Variants in EIPR1 observed in about 807,000 individuals in gnomAD.
EIPR1 encodes EARP complex and GARP complex interacting protein 1, also known as EARP and GARP complex-interacting protein 1.
EIPR1 carries 25 observed loss-of-function variants against 48.1 expected under a neutral mutation model. That is an observed-to-expected ratio of 0.52 (90% CI 0.38 to 0.73). EIPR1 has a LOEUF of 0.73. Among genes scored for constraint, EIPR1 ranks in the 30% least tolerant of loss-of-function variants. The probability of loss-of-function intolerance (pLI) is 0.00; values close to 1 mark genes in which losing one functional copy is unlikely to be tolerated. For missense variants in EIPR1, 415 were observed against 506.2 expected, an observed-to-expected ratio of 0.82 and a Z score of 1.73; for synonymous variants, 204 against 201.9, an observed-to-expected ratio of 1.01 and a Z score of -0.09.
intron 1 of EIPR1, among the ~76,000 whole-genome samples, chr2:3,361,915 C>A (rs1670861179): frequency 6.6e-6 from 1 of 152,252 alleles, no homozygotes; most frequent in Non-Finnish European, 1.5e-5. Flanking sequence ...CAATCGCCTC[C>A]TGCTCTTCTT....
intron 1 of EIPR1, among the ~76,000 whole-genome samples, chr2:3,370,446 C>A (rs1671086506): frequency 1.3e-5 from 2 of 152,234 alleles, no homozygotes; most frequent in Middle Eastern, 3.4e-3. Flanking sequence ...CTCCGAGCTA[C>A]AGGAGGAAAT....
intron 2 of EIPR1, among the ~76,000 whole-genome samples, chr2:3,347,724 A>C (rs1047236066): frequency 2.0e-5 from 3 of 152,260 alleles, no homozygotes; most frequent in African/African-American, 7.2e-5. Context: ...AAGAATTTCC[A>C]AGTATGGCAG....
chr2:3,354,991 TTC>T (rs1368083505), intron 1 of EIPR1, among the ~76,000 whole-genome samples: 1 of 152,246 alleles, frequency 6.6e-6, no homozygotes, highest in Non-Finnish European at 1.5e-5. Flanking sequence ...AGAAAATAGC[TTC>T]CAGCAATAGC....
chr2:3,306,816 G>C (rs956742250), intron 3 of EIPR1, among the ~76,000 whole-genome samples: 3 of 152,050 alleles, frequency 2.0e-5, no homozygotes, highest in East Asian at 1.9e-4. Flanking sequence ...AAATCCATGC[G>C]TAAGTGGACC....
intron 2 of EIPR1, among the ~76,000 whole-genome samples, chr2:3,346,390 G>T (rs1288556441): frequency 6.6e-6 from 1 of 152,254 alleles, no homozygotes; most frequent in Non-Finnish European, 1.5e-5. Flanking sequence ...TGTAATAGAT[G>T]CCCAATAGAA....
intron 4 of EIPR1, among the ~76,000 whole-genome samples, chr2:3,216,099 C>T (rs1299364006): frequency 6.6e-6 from 1 of 152,178 alleles, no homozygotes; most frequent in Non-Finnish European, 1.5e-5. Flanking sequence ...CTCCGTAGCC[C>T]AGTTACTGCA....
At chr2:3,368,160 T>C (rs978076943) in intron 1 of EIPR1, among the ~76,000 whole-genome samples, 5 of 152,194 alleles carry the variant, frequency 3.3e-5, no homozygotes, top group Non-Finnish European at 5.9e-5. Context: ...CTCAGACTGA[T>C]GGCACAAAAA....
At chr2:3,313,477 C>A (rs1219545295) in intron 3 of EIPR1, among the ~76,000 whole-genome samples, 3 of 152,148 alleles carry the variant, frequency 2.0e-5, no homozygotes, top group Non-Finnish European at 2.9e-5. Flanking sequence ...GACACAGAGC[C>A]CAGTCCTCCA....
chr2:3,194,364 C>T (rs1165238561), intron 6 of EIPR1, 198 bp from the exon 7 acceptor site: 2 of 563,700 alleles, frequency 3.5e-6, no homozygotes, highest in African/African-American at 3.8e-5. Context: ...GTGGTCGCAC[C>T]ACGCTCATCT....
chr2:3,256,765 A>T (rs1375968447), intron 4 of EIPR1, among the ~76,000 whole-genome samples: 1 of 152,210 alleles, frequency 6.6e-6, no homozygotes, highest in Non-Finnish European at 1.5e-5. Context: ...GGGAATGACC[A>T]GTGGGTGCAC....
At chr2:3,361,709 C>T (rs1215323321) in intron 1 of EIPR1, among the ~76,000 whole-genome samples, 1 of 146,200 alleles carries the variant, frequency 6.8e-6, no homozygotes, top group Non-Finnish European at 1.5e-5. Context: ...TGCCCTTGGA[C>T]TCCCTCACAC....
At chr2:3,326,051 G>A (rs1341823100) in intron 3 of EIPR1, among the ~76,000 whole-genome samples, 1 of 152,230 alleles carries the variant, frequency 6.6e-6, no homozygotes, top group African/African-American at 2.4e-5. Context: ...CCAGTGCAGA[G>A]GAGGCTATGG....
chr2:3,239,123 C>A (rs1558243588), intron 4 of EIPR1, among the ~76,000 whole-genome samples: 1 of 152,216 alleles, frequency 6.6e-6, no homozygotes, highest in Admixed American at 6.5e-5. Flanking sequence ...GCACAGCAGA[C>A]CCCACCCGGC....
intron 4 of EIPR1, among the ~76,000 whole-genome samples, chr2:3,255,572 G>C (rs1188556791): frequency 6.6e-6 from 1 of 152,196 alleles, no homozygotes; most frequent in African/African-American, 2.4e-5. Context: ...ACACCCATGT[G>C]GCCTGTCTTT....
intron 3 of EIPR1, among the ~76,000 whole-genome samples, chr2:3,276,423 T>C (rs190984721): frequency 2.4e-4 from 37 of 152,242 alleles, no homozygotes; most frequent in Non-Finnish European, 4.4e-4. Flanking sequence ...TCTTATAACA[T>C]GTAAGAGATA....
chr2:3,197,063 A>C, intron 5 of EIPR1, 46 bp from the exon 6 acceptor site: 10 of 1,608,872 alleles, frequency 6.2e-6, no homozygotes, highest in Non-Finnish European at 7.6e-6. Context: ...AAAGAAGAAG[A>C]ATGTGAAGTC....
chr2:3,236,002 G>A (rs890113679), intron 4 of EIPR1, among the ~76,000 whole-genome samples: 2 of 152,054 alleles, frequency 1.3e-5, no homozygotes, highest in Non-Finnish European at 2.9e-5. Flanking sequence ...TAGTAATCAC[G>A]GTAAGAGCAA....
intron 3 of EIPR1, among the ~76,000 whole-genome samples, chr2:3,279,813 A>G (rs1235175682): frequency 6.6e-6 from 1 of 152,198 alleles, no homozygotes; most frequent in Non-Finnish European, 1.5e-5. Context: ...CAACCCAGGA[A>G]GTTTAGGTGT....
chr2:3,369,540 C>A (rs369799041), intron 1 of EIPR1, among the ~76,000 whole-genome samples: 5 of 152,334 alleles, frequency 3.3e-5, no homozygotes, highest in Admixed American at 2.6e-4. Flanking sequence ...CCAAATACTG[C>A]GCTTTTCCGA....
Sources: allele counts gnomAD v4.1 joint callset (sites outside exome capture counted in the v4.1 genomes callset), GRCh38; gene constraint gnomAD v4.1.1; transcripts MANE v1.5; gene names NCBI Gene and HGNC (gene_info 2026-07-23, HGNC 2026-07-21).